PLCB1: variants seen among roughly 807,000 people sequenced by gnomAD.
The protein encoded by PLCB1 is phospholipase C beta 1, also known as 1-phosphatidylinositol 4,5-bisphosphate phosphodiesterase beta-1.
PLCB1 carries 46 observed loss-of-function variants against 161.8 expected under a neutral mutation model. That is an observed-to-expected ratio of 0.28 (90% CI 0.22 to 0.36). The LOEUF (loss-of-function observed/expected upper bound fraction) is 0.36, where lower values mean the gene tolerates loss of function less well. Among genes scored for constraint, PLCB1 ranks in the 10% least tolerant of loss-of-function variants. PLCB1 has a pLI of 1.00. For missense variants in PLCB1, 1,016 were observed against 1,472.5 expected (o/e 0.69, Z 5.07); for synonymous variants, 517 against 503.7 (o/e 1.03, Z -0.35).
intron 13 of PLCB1, among the ~76,000 whole-genome samples, chr20:8,717,424 T>A (rs1979379945): frequency 6.6e-6 from 1 of 152,156 alleles, no homozygotes; most frequent in African/African-American, 2.4e-5. Flanking sequence ...ACATCAAATC[T>A]ACCAGTACAT....
intron 3 of PLCB1, among the ~76,000 whole-genome samples, chr20:8,488,134 G>C (rs976798333): frequency 2.0e-5 from 3 of 152,160 alleles, no homozygotes; most frequent in African/African-American, 7.2e-5. Context: ...TTATGATGAA[G>C]AAACATGAAA....
chr20:8,650,980 A>G (rs8118986), intron 7 of PLCB1, among the ~76,000 whole-genome samples: 38,512 of 152,056 alleles, frequency 0.25, 5,225 homozygotes, highest in Admixed American at 0.33. Flanking sequence ...CATCATATAC[A>G]TTAACCACCT....
At chr20:8,467,711 T>C (rs1447142458) in intron 3 of PLCB1, among the ~76,000 whole-genome samples, 1 of 152,164 alleles carries the variant, frequency 6.6e-6, no homozygotes, top group Non-Finnish European at 1.5e-5. Context: ...TCTCCTTTTA[T>C]CTTTTGAGCA....
chr20:8,667,283 T>C (rs117861760), intron 9 of PLCB1, among the ~76,000 whole-genome samples: 57 of 152,312 alleles, frequency 3.7e-4, no homozygotes, highest in Non-Finnish European at 5.3e-4. Context: ...ATTGACTCTC[T>C]AACCTCTGCG....
intron 31 of PLCB1, among the ~76,000 whole-genome samples, chr20:8,818,165 T>A (rs937291325): frequency 6.6e-6 from 1 of 152,202 alleles, no homozygotes; most frequent in Non-Finnish European, 1.5e-5. Flanking sequence ...AATTCATAGA[T>A]TCACAAATTC....
rs574760032 is a variant in PLCB1, at chr20:8,189,911, A to C, written c.177+39540A>C. Among the ~76,000 whole-genome samples the C allele has an allele frequency of 3.3e-5, 5 of 152,218 alleles. No individual in the cohort carries two copies. The East Asian group carries it at 9.7e-4, about 29-fold the overall frequency. On this transcript the variant is annotated intron_variant, in intron 2 of 31. Coordinates refer to ENST00000338037, the MANE Select transcript of PLCB1 (RefSeq NM_015192.4). ...TGTTTTTCCAGGAAAAAAAATGCACAAGTGTGAAAAAGCAGGAGAAAGAGA... is the reference window on the plus strand; with the variant it reads ...TGTTTTTCCAGGAAAAAAAATGCACCAGTGTGAAAAAGCAGGAGAAAGAGA...
chr20:8,835,171 A>C (rs62197974), intron 31 of PLCB1, among the ~76,000 whole-genome samples: 42,391 of 151,964 alleles, frequency 0.28, 6,166 homozygotes, highest in Middle Eastern at 0.41. Context: ...GAAGAGTAAA[A>C]TTTCTAGGAA....
At chr20:8,813,584 C>A (rs1984937806) in intron 31 of PLCB1, among the ~76,000 whole-genome samples, 1 of 152,110 alleles carries the variant, frequency 6.6e-6, no homozygotes, top group Non-Finnish European at 1.5e-5. Flanking sequence ...AATCCCAGCA[C>A]TTTGGGAGCC....
intron 2 of PLCB1, among the ~76,000 whole-genome samples, chr20:8,155,890 G>C (rs1162602205): frequency 6.6e-6 from 1 of 152,172 alleles, no homozygotes; most frequent in Non-Finnish European, 1.5e-5. Context: ...CAAAATTCAC[G>C]TGAGGATTGC....
chr20:8,453,014 A>C (rs1042662504), intron 3 of PLCB1, among the ~76,000 whole-genome samples: 1 of 152,232 alleles, frequency 6.6e-6, no homozygotes, highest in Non-Finnish European at 1.5e-5. Context: ...ACGTAGGTAC[A>C]AATCAGTTCT....
intron 3 of PLCB1, among the ~76,000 whole-genome samples, chr20:8,591,778 T>C (rs773620298): frequency 6.6e-6 from 1 of 152,246 alleles, no homozygotes; most frequent in Non-Finnish European, 1.5e-5. Context: ...ATCAGTATTA[T>C]ACATAGCTCT....
intron 2 of PLCB1, among the ~76,000 whole-genome samples, chr20:8,259,409 G>A (rs1185429405): frequency 6.6e-6 from 1 of 152,026 alleles, no homozygotes; most frequent in African/African-American, 2.4e-5. Flanking sequence ...TTGATGTCAA[G>A]ACTTAGAGAC....
At chr20:8,718,785 T>C (rs746886111) in intron 14 of PLCB1, among the ~76,000 whole-genome samples, 51 of 152,206 alleles carry the variant, frequency 3.4e-4, no homozygotes, top group Non-Finnish European at 6.0e-4. Context: ...CAAATAGTCT[T>C]CAGAGTGACC....
chr20:8,231,513 T>G (rs927079699), intron 2 of PLCB1, among the ~76,000 whole-genome samples: 1 of 152,206 alleles, frequency 6.6e-6, no homozygotes, highest in Non-Finnish European at 1.5e-5. Context: ...CACAGCATGG[T>G]ACATAGGTCC....
Position 8,882,197 on chromosome 20 carries a change from T to C in PLCB1, c.*348T>C. Reference sequence around the variant, plus strand: ...TCAAGCTCGTGTTTTTATTCGAAGCTCTGGTGTAAAATATTTCAAAGTCAT... The same window carrying C: ...TCAAGCTCGTGTTTTTATTCGAAGCCCTGGTGTAAAATATTTCAAAGTCAT... On this transcript the variant is annotated 3_prime_UTR_variant, in exon 32 of 32. Coordinates refer to ENST00000338037, the MANE Select transcript of PLCB1 (RefSeq NM_015192.4). 1 of 237,612 alleles carries C rather than the reference T, an allele frequency of 4.2e-6. No individual in the cohort carries two copies. The highest frequency in any genetic ancestry group is 8.3e-6 in the Non-Finnish European group (1 of 120,946). The allele number at this position is 237,612 out of a possible 1,614,324, so 14.7% of individuals were successfully genotyped here.
intron 1 of PLCB1, among the ~76,000 whole-genome samples, 197 bp from the exon 2 acceptor site, chr20:8,150,097 A>T (rs2051494771): frequency 6.6e-6 from 1 of 152,082 alleles, no homozygotes; most frequent in South Asian, 2.1e-4. Context: ...AAGTCTTCTG[A>T]TTATTAGGAA....
chr20:8,861,875 G>A (rs1046893869), intron 31 of PLCB1, among the ~76,000 whole-genome samples: 3 of 151,954 alleles, frequency 2.0e-5, no homozygotes, highest in Admixed American at 6.6e-5. Context: ...TTGATTTATT[G>A]GAAAAACAAT....
intron 3 of PLCB1, among the ~76,000 whole-genome samples, chr20:8,579,471 C>T (rs1358065967): frequency 6.6e-6 from 1 of 152,198 alleles, no homozygotes; most frequent in Non-Finnish European, 1.5e-5. Flanking sequence ...ACTTATTGTT[C>T]CAAGCCTCTA....
At chr20:8,374,855 G>T (rs1987023306) in intron 3 of PLCB1, among the ~76,000 whole-genome samples, 1 of 151,992 alleles carries the variant, frequency 6.6e-6, no homozygotes. Flanking sequence ...AAATACCCAG[G>T]CACCCCACAA....
Sources: allele counts gnomAD v4.1 joint callset (sites outside exome capture counted in the v4.1 genomes callset), GRCh38; gene constraint gnomAD v4.1.1; transcripts MANE v1.5; gene names NCBI Gene and HGNC (gene_info 2026-07-23, HGNC 2026-07-21).